MMP16: variants seen among roughly 807,000 people sequenced by gnomAD.
MMP16 encodes the protein matrix metallopeptidase 16.
A neutral mutation model predicts 67.8 loss-of-function variants in MMP16; 12 were observed. The observed-to-expected ratio is 0.18, with a 90% CI of 0.11 to 0.29. The LOEUF is 0.29. MMP16 is among the 10% of genes least tolerant of loss of function. MMP16 has a pLI of 1.00. For synonymous variants in MMP16, 249 were observed against 255.9 expected (o/e 0.97, Z 0.26); for missense variants, 475 against 765.7 (o/e 0.62, Z 4.48).
intron 1 of MMP16, 121 bp downstream of exon 1, chr8:88,326,954 G>T: frequency 1.5e-6 from 2 of 1,326,710 alleles, no homozygotes; most frequent in Non-Finnish European, 2.1e-6. Context: ...TCCACAGCTG[G>T]AAGGGAAACA....
At chr8:88,219,569 C>A (rs1473927358) in intron 1 of MMP16, among the ~76,000 whole-genome samples, 1 of 152,110 alleles carries the variant, frequency 6.6e-6, no homozygotes, top group Non-Finnish European at 1.5e-5. Flanking sequence ...CTGTTGGGAT[C>A]AGTGTCTCAT....
At chr8:88,203,104 CTTTTTT>C (rs33928858) in intron 1 of MMP16, among the ~76,000 whole-genome samples, 1 of 123,166 alleles carries the variant, frequency 8.1e-6, no homozygotes, top group Admixed American at 9.1e-5. Flanking sequence ...ACCAGAACTT[CTTTTTT>C]TTTTTTTTTT....
chr8:88,179,437 C>A (rs1740134416), intron 3 of MMP16, among the ~76,000 whole-genome samples: 1 of 148,988 alleles, frequency 6.7e-6, no homozygotes, highest in Non-Finnish European at 1.5e-5. Flanking sequence ...ACAGAATTGC[C>A]TTGCAAAAAA....
At chr8:88,184,241 C>T (rs924844173) in intron 3 of MMP16, among the ~76,000 whole-genome samples, 1 of 152,134 alleles carries the variant, frequency 6.6e-6, no homozygotes, top group African/African-American at 2.4e-5. Context: ...TAATTTTCCT[C>T]TACTTTTGGT....
intron 1 of MMP16, among the ~76,000 whole-genome samples, chr8:88,302,701 G>C (rs374564047): frequency 1.3e-5 from 2 of 152,304 alleles, no homozygotes; most frequent in East Asian, 3.9e-4. Flanking sequence ...AGGAGAAAGA[G>C]AATAGGATAA....
intron 1 of MMP16, among the ~76,000 whole-genome samples, chr8:88,314,866 T>A (rs1811353828): frequency 6.6e-6 from 1 of 152,174 alleles, no homozygotes; most frequent in Non-Finnish European, 1.5e-5. Flanking sequence ...CTTCTCTCCA[T>A]TATTCTGAAT....
chr8:88,215,850 A>G (rs183566260), intron 1 of MMP16, among the ~76,000 whole-genome samples: 2 of 152,262 alleles, frequency 1.3e-5, no homozygotes. Context: ...TCTGACTGAC[A>G]TGTATGGCTA....
chr8:88,172,062 G>A (rs1411798483), intron 3 of MMP16, among the ~76,000 whole-genome samples: 1 of 152,066 alleles, frequency 6.6e-6, no homozygotes, highest in African/African-American at 2.4e-5. Flanking sequence ...CCTGACCTCA[G>A]GTCGCCTTGG....
intron 1 of MMP16, among the ~76,000 whole-genome samples, chr8:88,257,316 C>A (rs1229149423): frequency 6.6e-6 from 1 of 152,110 alleles, no homozygotes; most frequent in African/African-American, 2.4e-5. Flanking sequence ...CACTTTAGAA[C>A]CTGTACAAGG....
intron 1 of MMP16, among the ~76,000 whole-genome samples, chr8:88,307,953 G>A (rs867734858): frequency 2.6e-5 from 4 of 151,998 alleles, no homozygotes; most frequent in African/African-American, 9.7e-5. Flanking sequence ...TAAGAAAAAT[G>A]CAATAACTCC....
chr8:88,116,810 G>A, intron 5 of MMP16, 92 bp from the exon 6 acceptor site: 1 of 1,130,334 alleles, frequency 8.8e-7, no homozygotes, highest in Non-Finnish European at 1.3e-6. Context: ...ATCAGCAGAA[G>A]GCACAGACTA....
chr8:88,216,520 A>G (rs1220939812), intron 1 of MMP16, among the ~76,000 whole-genome samples: 2 of 152,136 alleles, frequency 1.3e-5, no homozygotes, highest in Non-Finnish European at 2.9e-5. Flanking sequence ...TTTCATAGCA[A>G]AAGAGTCCAT....
At chr8:88,078,136 T>C (rs910561606) in intron 6 of MMP16, among the ~76,000 whole-genome samples, 1 of 152,074 alleles carries the variant, frequency 6.6e-6, no homozygotes, top group African/African-American at 2.4e-5. Context: ...TCTCCCTCTC[T>C]TTCTTTGGTT....
At chr8:88,273,052 C>G (rs1411612244) in intron 1 of MMP16, among the ~76,000 whole-genome samples, 1 of 151,776 alleles carries the variant, frequency 6.6e-6, no homozygotes, top group African/African-American at 2.4e-5. Flanking sequence ...AAAAAGGTAT[C>G]CTTCTTGCTT....
intron 2 of MMP16, among the ~76,000 whole-genome samples, chr8:88,195,274 C>T (rs766272798): frequency 6.6e-6 from 1 of 152,180 alleles, no homozygotes; most frequent in East Asian, 1.9e-4. Context: ...TGTACCTTTT[C>T]TAGGACTCCA....
At chr8:88,073,746 T>C (rs1180563342) in intron 7 of MMP16, among the ~76,000 whole-genome samples, 3 of 152,184 alleles carry the variant, frequency 2.0e-5, no homozygotes, top group African/African-American at 7.2e-5. Flanking sequence ...ATTCTGGGAA[T>C]AATTGCTTTT....
intron 1 of MMP16, among the ~76,000 whole-genome samples, chr8:88,214,062 T>C (rs973559602): frequency 3.9e-5 from 6 of 152,068 alleles, no homozygotes; most frequent in African/African-American, 1.4e-4. Context: ...ACAATGGCAA[T>C]AACAACAAAA....
chr8:88,183,872 C>T (rs1160324002), intron 3 of MMP16, among the ~76,000 whole-genome samples: 1 of 151,132 alleles, frequency 6.6e-6, no homozygotes, highest in Non-Finnish European at 1.5e-5. Flanking sequence ...TGCGCCACAA[C>T]TCCGAGCTAA....
intron 1 of MMP16, among the ~76,000 whole-genome samples, chr8:88,234,033 G>T (rs1040390212): frequency 9.2e-5 from 14 of 152,054 alleles, no homozygotes; most frequent in Admixed American, 7.9e-4. Flanking sequence ...TGCAATTAAA[G>T]ATTTTTTCAA....
Sources: allele counts gnomAD v4.1 joint callset (sites outside exome capture counted in the v4.1 genomes callset), GRCh38; gene constraint gnomAD v4.1.1; transcripts MANE v1.5; gene names NCBI Gene and HGNC (gene_info 2026-07-23, HGNC 2026-07-21).